The following MSI2 variants were observed in gnomAD, a reference collection of about 807,000 sequenced individuals.
MSI2 encodes RNA-binding protein Musashi homolog 2.
A neutral mutation model predicts 45.6 loss-of-function variants in MSI2; 17 were observed. That is an observed-to-expected ratio of 0.37 (90% confidence interval 0.26 to 0.56). The LOEUF (loss-of-function observed/expected upper bound fraction) is 0.56, where lower values mean the gene tolerates loss of function less well. Among genes scored for constraint, MSI2 ranks in the 20% least tolerant of loss-of-function variants. The pLI is 0.77. For missense variants in MSI2, 293 were observed against 444.2 expected (o/e 0.66, Z 3.06); for synonymous variants, 156 against 158.2 (o/e 0.99, Z 0.11).
chr17:57,467,711 C>T (rs2085353664), intron 6 of MSI2, among the ~76,000 whole-genome samples: 1 of 152,118 alleles, frequency 6.6e-6, no homozygotes, highest in Non-Finnish European at 1.5e-5. Context: ...GATCCAGGAC[C>T]TCTAGGACAC....
At chr17:57,477,142 C>A (rs2085552909) in intron 6 of MSI2, among the ~76,000 whole-genome samples, 2 of 120,972 alleles carry the variant, frequency 1.7e-5, no homozygotes, top group Non-Finnish European at 3.5e-5. Flanking sequence ...GTCCATAAGG[C>A]CTGGTGTGTG....
At chr17:57,565,382 C>T (rs2087704103) in intron 7 of MSI2, among the ~76,000 whole-genome samples, 1 of 152,242 alleles carries the variant, frequency 6.6e-6, no homozygotes, top group Non-Finnish European at 1.5e-5. Context: ...TTTCTCAGTG[C>T]ACTCAGTGCT....
chr17:57,520,343 G>T (rs2086557832), intron 6 of MSI2, among the ~76,000 whole-genome samples: 1 of 152,226 alleles, frequency 6.6e-6, no homozygotes, highest in Non-Finnish European at 1.5e-5. Context: ...GTTCCCATGG[G>T]CAGGTGTCCC....
chr17:57,682,317 T>TCAC lies in MSI2; in HGVS notation c.*2801_*2802insACC, dbSNP rs1913655200. The TCAC allele has an allele frequency of 8.4e-6, 1 of 119,372 alleles. No homozygotes were observed. The highest frequency in any genetic ancestry group is 1.7e-5 in the Non-Finnish European group (1 of 60,398). The allele number at this position is 119,372 out of a possible 1,614,324, so 7.4% of individuals were successfully genotyped here. On this transcript the variant is annotated 3_prime_UTR_variant, in exon 14 of 14. Coordinates refer to ENST00000284073, the MANE Select transcript of MSI2 (RefSeq NM_138962.4). Reference sequence around the variant, plus strand: ...GGCGGACTCTACGGCGTTTTGTAGATCCCCCCCCCCCCACCCACTGTGAAG... The same window carrying TCAC: ...GGCGGACTCTACGGCGTTTTGTAGATCACCCCCCCCCCCCCACCCACTGTGAAG...
At chr17:57,256,364 C>A (rs1484592483), upstream of MSI2, among the ~76,000 whole-genome samples, 2 of 151,192 alleles carry the variant, frequency 1.3e-5, no homozygotes. Flanking sequence ...CAGGCGGGGG[C>A]CGCACGGGGG....
intron 5 of MSI2, among the ~76,000 whole-genome samples, chr17:57,335,387 G>A (rs1235136115): frequency 6.6e-6 from 1 of 152,140 alleles, no homozygotes; most frequent in Non-Finnish European, 1.5e-5. Flanking sequence ...GCCAAATCTG[G>A]CCCACCACCC....
chr17:57,304,125 G>A (rs1389116349), intron 5 of MSI2, among the ~76,000 whole-genome samples: 1 of 152,116 alleles, frequency 6.6e-6, no homozygotes, highest in Admixed American at 6.5e-5. Flanking sequence ...TTGGGAGGCC[G>A]AGGCGGGTGG....
At chr17:57,403,052 C>G (rs1353228256) in intron 6 of MSI2, among the ~76,000 whole-genome samples, 3 of 152,186 alleles carry the variant, frequency 2.0e-5, no homozygotes, top group African/African-American at 4.8e-5. Context: ...GGTGAGCCCT[C>G]TTTGCTATCT....
At chr17:57,515,750 A>G (rs994960184) in intron 6 of MSI2, among the ~76,000 whole-genome samples, 3 of 152,130 alleles carry the variant, frequency 2.0e-5, no homozygotes, top group East Asian at 1.9e-4. Flanking sequence ...CAAGAAACAG[A>G]TAAGGGATAG....
At chr17:57,455,054 G>T (rs770004664) in intron 6 of MSI2, among the ~76,000 whole-genome samples, 4 of 152,200 alleles carry the variant, frequency 2.6e-5, no homozygotes, top group Non-Finnish European at 4.4e-5. Context: ...CCCACCTTAT[G>T]AAGTTCTTAC....
At chr17:57,443,565 AGAGGGGAGCACTGGGTGCCTAG>A (rs1396441524) in intron 6 of MSI2, among the ~76,000 whole-genome samples, 4 of 152,178 alleles carry the variant, frequency 2.6e-5, no homozygotes, top group Non-Finnish European at 5.9e-5. Flanking sequence ...TCCCATCTGC[AGAGGGGAGCACTGGGTGCCTAG>A]GAGGGGTCTC....
intron 10 of MSI2, among the ~76,000 whole-genome samples, chr17:57,640,168 C>G (rs1300157460): frequency 1.3e-5 from 2 of 152,182 alleles, no homozygotes; most frequent in African/African-American, 4.8e-5. Flanking sequence ...GTCCAGCTGA[C>G]CAGCACAAGC....
At chr17:57,378,578 G>A (rs1346153991) in intron 5 of MSI2, among the ~76,000 whole-genome samples, 1 of 151,996 alleles carries the variant, frequency 6.6e-6, no homozygotes, top group African/African-American at 2.4e-5. Flanking sequence ...TGTATTTTTA[G>A]TAGAGGCAGG....
chr17:57,303,329 C>T (rs566300357), intron 5 of MSI2, among the ~76,000 whole-genome samples: 16 of 152,246 alleles, frequency 1.1e-4, no homozygotes, highest in South Asian at 8.3e-4. Context: ...TTGCACAGCT[C>T]GACATATGCT....
intron 7 of MSI2, among the ~76,000 whole-genome samples, chr17:57,569,488 C>T (rs2087820500): frequency 6.6e-6 from 1 of 152,154 alleles, no homozygotes; most frequent in African/African-American, 2.4e-5. Context: ...CAGGAGTTCA[C>T]CTCAGAGTTT....
At chr17:57,635,957 G>A (rs142464603) in intron 10 of MSI2, among the ~76,000 whole-genome samples, 63 of 152,302 alleles carry the variant, frequency 4.1e-4, no homozygotes, top group African/African-American at 1.2e-3. Flanking sequence ...ATGGTTCTTC[G>A]GCGCCAGGTG....
At chr17:57,502,202 A>C (rs2086122062) in intron 6 of MSI2, among the ~76,000 whole-genome samples, 1 of 152,198 alleles carries the variant, frequency 6.6e-6, no homozygotes, top group South Asian at 2.1e-4. Flanking sequence ...CATTTATGGA[A>C]TAGGCCACGT....
At chr17:57,645,227 G>A (rs1910566678) in intron 10 of MSI2, among the ~76,000 whole-genome samples, 1 of 152,158 alleles carries the variant, frequency 6.6e-6, no homozygotes, top group South Asian at 2.1e-4. Context: ...GCTCCTCCAG[G>A]CTGGACTGAG....
At chr17:57,394,824 G>C (rs1416986726) in intron 5 of MSI2, among the ~76,000 whole-genome samples, 1 of 152,202 alleles carries the variant, frequency 6.6e-6, no homozygotes, top group African/African-American at 2.4e-5. Flanking sequence ...TGGCTCTGCT[G>C]TCACCAAAAA....
Sources: allele counts gnomAD v4.1 joint callset (sites outside exome capture counted in the v4.1 genomes callset), GRCh38; gene constraint gnomAD v4.1.1; transcripts MANE v1.5; gene names NCBI Gene and HGNC (gene_info 2026-07-23, HGNC 2026-07-21).